The following USP48 variants were observed in gnomAD, a reference collection of about 807,000 sequenced individuals.
The protein encoded by USP48 is ubiquitin carboxyl-terminal hydrolase 48.
In USP48, 43 loss-of-function variants were observed where a neutral mutation model predicts 150.7. The ratio of observed to expected loss-of-function variants is 0.29; its 90% CI spans 0.22 to 0.37. The LOEUF (loss-of-function observed/expected upper bound fraction) is 0.37. Among genes scored for constraint, USP48 ranks in the 10% least tolerant of loss-of-function variants. USP48 has a pLI of 1.00. For synonymous variants in USP48, 396 were observed against 425.9 expected, an observed-to-expected ratio of 0.93 and a Z score of 0.86; for missense variants, 813 against 1,249.6, an observed-to-expected ratio of 0.65 and a Z score of 5.27.
chr1:21,727,528 T>C lies in USP48; in HGVS notation c.1450+1042A>G, dbSNP rs377434883. Among the ~76,000 whole-genome samples the C allele has an allele frequency of 2.2e-3, 337 of 152,326 alleles. 2 individuals are homozygous for C. Among genetic ancestry groups the C allele is most frequent in the African/African-American group, 7.0e-3 (290 of 41,584 alleles). On this transcript the variant is annotated intron_variant, in intron 11 of 26. Coordinates refer to ENST00000308271, the MANE Select transcript of USP48 (RefSeq NM_032236.8). ...AGTTAAGTCCCTTTCTCTTGCCCAG[T>C]GGACACAGGAAACCGTGAATAAAGT...
intron 9 of USP48, among the ~76,000 whole-genome samples, chr1:21,733,341 T>G (rs1483352749): frequency 1.3e-5 from 2 of 152,030 alleles, no homozygotes; most frequent in Admixed American, 1.3e-4. Context: ...CGTTTGAACC[T>G]GGGAGGTGGA....
chr1:21,763,807 C>A (rs925011071), intron 1 of USP48, among the ~76,000 whole-genome samples: 3 of 146,180 alleles, frequency 2.1e-5, no homozygotes, highest in Non-Finnish European at 4.5e-5. Flanking sequence ...TAGAGAGAAA[C>A]TCTGTTTCAA....
intron 4 of USP48, 91 bp from the exon 5 acceptor site, chr1:21,752,742 C>CT: frequency 7.2e-7 from 1 of 1,393,094 alleles, no homozygotes; most frequent in Non-Finnish European, 9.6e-7. Context: ...CAGAAACTAC[C>CT]TATACTTTCA....
chr1:21,740,589 T>C (rs2152566494), intron 8 of USP48, among the ~76,000 whole-genome samples: 1 of 152,344 alleles, frequency 6.6e-6, no homozygotes, highest in South Asian at 2.1e-4. Flanking sequence ...TTTTGTTTGA[T>C]GTGGTCCTGG....
chr1:21,735,681 G>C (rs776819480), intron 9 of USP48, among the ~76,000 whole-genome samples: 2 of 152,200 alleles, frequency 1.3e-5, no homozygotes, highest in Admixed American at 6.5e-5. Flanking sequence ...CTGAGGTCAG[G>C]AGTTCGAGAC....
chr1:21,727,215 CA>C (rs1246467846), intron 11 of USP48, among the ~76,000 whole-genome samples: 1 of 152,072 alleles, frequency 6.6e-6, no homozygotes, highest in African/African-American at 2.4e-5. Flanking sequence ...CTTCTCTTGC[CA>C]GCACAAAACC....
intron 11 of USP48, among the ~76,000 whole-genome samples, chr1:21,727,652 T>A (rs1406091402): frequency 6.6e-6 from 1 of 152,208 alleles, no homozygotes. Context: ...TCCAGTTACA[T>A]TAAGGTCAGT....
At chr1:21,762,865 C>CAAAAAA (rs34834573) in intron 1 of USP48, among the ~76,000 whole-genome samples, 1 of 76,346 alleles carries the variant, frequency 1.3e-5, no homozygotes, top group South Asian at 4.9e-4. Context: ...GACTTCATCT[C>CAAAAAA]AAAAAAAAAA....
chr1:21,734,621 T>G (rs1193678429), intron 9 of USP48, among the ~76,000 whole-genome samples: 1 of 152,222 alleles, frequency 6.6e-6, no homozygotes, highest in East Asian at 1.9e-4. Flanking sequence ...TTACTCCCAT[T>G]TCTTTTCTCC....
chr1:21,727,942 T>C lies in USP48; in HGVS notation c.1450+628A>G, dbSNP rs558437569. 2.9e-4 allele frequency: 289 copies of C among 985,238 alleles called. 1 individual carries two copies. In the South Asian group the frequency reaches 3.9e-3, roughly 13 times the overall value. The allele number at this position is 985,238 out of a possible 1,614,324, so 61.0% of individuals were successfully genotyped here. ...GCTTGGGGAATTCATGTCTTTAAAA[T>C]GACAAAGATAACTTAATACAAATGG... is the stretch of plus-strand genomic sequence containing the variant. On this transcript the variant is annotated intron_variant, in intron 11 of 26. Transcript: ENST00000308271.
At chr1:21,717,960 A>G (rs568338204) in intron 14 of USP48, among the ~76,000 whole-genome samples, 7 of 152,114 alleles carry the variant, frequency 4.6e-5, no homozygotes, top group African/African-American at 1.7e-4. Context: ...ACAAAACAAA[A>G]CTGATGTGAC....
At chr1:21,770,623 G>A (rs2097876984) in intron 1 of USP48, among the ~76,000 whole-genome samples, 1 of 151,506 alleles carries the variant, frequency 6.6e-6, no homozygotes, top group South Asian at 2.1e-4. Flanking sequence ...TGGGACTACA[G>A]GCGCGCACCA....
At chr1:21,763,340 C>T (rs905078437) in intron 1 of USP48, among the ~76,000 whole-genome samples, 1 of 152,208 alleles carries the variant, frequency 6.6e-6, no homozygotes, top group Admixed American at 6.5e-5. Flanking sequence ...CTATGGCTCC[C>T]GAGCCTCTAT....
chr1:21,679,268 T>C lies in USP48; in HGVS notation c.*149A>G, dbSNP rs1048791991. 20 of 951,144 alleles carry C rather than the reference T, an allele frequency of 2.1e-5. No homozygotes were observed. The highest frequency in any genetic ancestry group is 3.3e-5 in the African/African-American group (2 of 60,758). The allele number at this position is 951,144 out of a possible 1,614,324, so 58.9% of individuals were successfully genotyped here. On this transcript the variant is annotated 3_prime_UTR_variant, in exon 27 of 27. Coordinates refer to ENST00000308271, the MANE Select transcript of USP48 (RefSeq NM_032236.8). Reference sequence around the variant, plus strand: ...ATCTGCTTTATTTGACATAAGGCATTTGGGACAGTCACGTTTGAATGGATT... The same window carrying C: ...ATCTGCTTTATTTGACATAAGGCATCTGGGACAGTCACGTTTGAATGGATT...
rs925430634 is a variant in USP48 at position 21,711,705 on chromosome 1, G to A, written c.1963+3684C>T. ...CCAGCTGGGGCTCCGAACTAGTGAA[G>A]CTCAGTCACCAAGCCCCTCCAAAAC... On this transcript the variant is annotated intron_variant, in intron 15 of 26. Transcript: ENST00000308271. 1.3e-4 allele frequency among the ~76,000 whole-genome samples: 20 copies of A among 152,274 alleles called. 1 individual carries two copies. Among genetic ancestry groups the A allele is most frequent in the African/African-American group, 4.8e-4 (20 of 41,554 alleles).
intron 15 of USP48, 100 bp downstream of exon 15, chr1:21,715,289 C>A: frequency 2.4e-6 from 2 of 845,186 alleles, no homozygotes; most frequent in Non-Finnish European, 3.6e-6. Context: ...AAATTTTTCC[C>A]AGGTAAGATG....
At chr1:21,781,705 G>A (rs538343811) in intron 1 of USP48, among the ~76,000 whole-genome samples, 1 of 152,356 alleles carries the variant, frequency 6.6e-6, no homozygotes, top group South Asian at 2.1e-4. Context: ...CTGCACTCCA[G>A]CCTGTGTGAC....
In USP48 at chr1:21,779,404, G is replaced by A. The variant is rs140176874; in HGVS notation, c.134+3420C>T. Among the ~76,000 whole-genome samples, 81 of 151,952 alleles carry A rather than the reference G, an allele frequency of 5.3e-4. 1 individual carries two copies. In the South Asian group the frequency reaches 0.011, roughly 21 times the overall value. On this transcript the variant is annotated intron_variant, in intron 1 of 26. Coordinates refer to ENST00000308271, the MANE Select transcript of USP48 (RefSeq NM_032236.8). ...TACTAAAAAATACAAAAAATTAGCCGGGTGTGGTGGTGGGCGTCTGTAATC... is the reference window on the plus strand; with the variant it reads ...TACTAAAAAATACAAAAAATTAGCCAGGTGTGGTGGTGGGCGTCTGTAATC...
At chr1:21,748,877 C>T (rs2097801919) in intron 6 of USP48, among the ~76,000 whole-genome samples, 1 of 152,094 alleles carries the variant, frequency 6.6e-6, no homozygotes, top group Admixed American at 6.5e-5. Flanking sequence ...CACCTCTGCA[C>T]TCCAGCCTGG....
Sources: allele counts gnomAD v4.1 joint callset (sites outside exome capture counted in the v4.1 genomes callset), GRCh38; gene constraint gnomAD v4.1.1; transcripts MANE v1.5; gene names NCBI Gene and HGNC (gene_info 2026-07-23, HGNC 2026-07-21).